SGPP2: variants seen among roughly 807,000 people sequenced by gnomAD.
The protein encoded by SGPP2 is sphingosine 1-phosphate phosphohydrolase 2.
SGPP2 carries 30 observed loss-of-function variants against 33.9 expected under a neutral mutation model. The observed-to-expected ratio is 0.89, with a 90% CI of 0.66 to 1.20. The LOEUF is 1.20. Among genes scored for constraint, SGPP2 ranks in the 50% most tolerant of loss-of-function variants. The probability of loss-of-function intolerance (pLI) is 0.00; values close to 1 mark genes in which losing one functional copy is unlikely to be tolerated. For synonymous variants in SGPP2, 233 were observed against 225.0 expected, an observed-to-expected ratio of 1.04 and a Z score of -0.32; for missense variants, 458 against 532.1, an observed-to-expected ratio of 0.86 and a Z score of 1.37.
intron 2 of SGPP2, among the ~76,000 whole-genome samples, chr2:222,501,993 A>G (rs557270087): frequency 2.0e-5 from 3 of 152,366 alleles, no homozygotes; most frequent in Non-Finnish European, 2.9e-5. Flanking sequence ...GGGTACCACT[A>G]GAATGACCAG....
At chr2:222,513,964 C>T (rs1698567151) in intron 2 of SGPP2, among the ~76,000 whole-genome samples, 1 of 152,148 alleles carries the variant, frequency 6.6e-6, no homozygotes, top group Non-Finnish European at 1.5e-5. Context: ...TGGAATCATA[C>T]AATGTGTGAT....
At chr2:222,441,827 G>T (rs1226270741) in intron 1 of SGPP2, among the ~76,000 whole-genome samples, 1 of 152,072 alleles carries the variant, frequency 6.6e-6, no homozygotes, top group Non-Finnish European at 1.5e-5. Context: ...AATTATCATT[G>T]ACATCTTTTT....
chr2:222,526,726 A>G (rs1698764037), intron 4 of SGPP2, among the ~76,000 whole-genome samples: 1 of 152,222 alleles, frequency 6.6e-6, no homozygotes, highest in Admixed American at 6.5e-5. Context: ...ACATGGATGA[A>G]GCTGGAAGCC....
chr2:222,453,013 T>G (rs1173258500), intron 1 of SGPP2: 2 of 1,580,536 alleles, frequency 1.3e-6, no homozygotes, highest in Non-Finnish European at 1.7e-6. Context: ...ACAGTTCTGG[T>G]CTTCTGTTTC....
intron 4 of SGPP2, among the ~76,000 whole-genome samples, chr2:222,554,950 C>T (rs1298093066): frequency 2.6e-5 from 4 of 152,152 alleles, no homozygotes; most frequent in East Asian, 1.9e-4. Flanking sequence ...ACCCCCGCCA[C>T]GATAAAGAAC....
chr2:222,557,542 A>C (rs1476710974), intron 4 of SGPP2, among the ~76,000 whole-genome samples: 1 of 152,248 alleles, frequency 6.6e-6, no homozygotes, highest in Admixed American at 6.5e-5. Context: ...GGAAACATGC[A>C]AACTTAGAGA....
chr2:222,534,968 G>A (rs1378559115), intron 4 of SGPP2, among the ~76,000 whole-genome samples: 1 of 152,090 alleles, frequency 6.6e-6, no homozygotes, highest in African/African-American at 2.4e-5. Flanking sequence ...TTGGGATTAG[G>A]CCTTAGCATA....
At chr2:222,441,068 T>C (rs969503142) in intron 1 of SGPP2, among the ~76,000 whole-genome samples, 1 of 152,266 alleles carries the variant, frequency 6.6e-6, no homozygotes, top group Non-Finnish European at 1.5e-5. Flanking sequence ...AGAGTAGCTG[T>C]CTAATTTTAA....
intron 1 of SGPP2, among the ~76,000 whole-genome samples, chr2:222,470,260 T>G (rs1394927284): frequency 6.6e-6 from 1 of 152,186 alleles, no homozygotes; most frequent in Non-Finnish European, 1.5e-5. Flanking sequence ...TCTGCACATG[T>G]ATCTCAGAAT....
intron 1 of SGPP2, among the ~76,000 whole-genome samples, chr2:222,440,141 C>A (rs540807823): frequency 2.0e-3 from 306 of 152,302 alleles, no homozygotes; most frequent in African/African-American, 6.5e-3. Context: ...TGTAGAATAG[C>A]ATTTGGGAGA....
intron 1 of SGPP2, among the ~76,000 whole-genome samples, chr2:222,428,170 A>G (rs1328708463): frequency 3.3e-5 from 5 of 152,046 alleles, no homozygotes; most frequent in Admixed American, 1.3e-4. Flanking sequence ...CAGGGTGGAG[A>G]TCGTGTGAAA....
intron 4 of SGPP2, among the ~76,000 whole-genome samples, chr2:222,548,803 A>G (rs1303765213): frequency 6.6e-6 from 1 of 152,240 alleles, no homozygotes; most frequent in Non-Finnish European, 1.5e-5. Context: ...CATATTCATG[A>G]ATAATGTTGC....
chr2:222,430,090 T>TAA (rs5838949), intron 1 of SGPP2, among the ~76,000 whole-genome samples: 52 of 151,860 alleles, frequency 3.4e-4, no homozygotes, highest in South Asian at 1.9e-3. Flanking sequence ...GTGCAAAAAA[T>TAA]AAAAAAAATA....
Position 222,521,883 on chromosome 2 carries a change from C to A in SGPP2, c.495C>A (p.Thr165=), listed in dbSNP as rs1169852263. ...TCGCTGAATATGGAATGCCATCCAC[C>A]CACGCCATGGCGGCCACTGCCATTG... The part of the protein sequence containing the change: ...RLIAEYGMPS[T]HAMAATAIAF... The change falls in exon 3 of 5, where the codon ACC becomes ACA. Residue 165 remains threonine, a synonymous_variant. Transcript: ENST00000321276. 2 of 1,608,970 alleles carry A rather than the reference C, an allele frequency of 1.2e-6. No homozygotes were observed. The highest frequency in any genetic ancestry group is 1.7e-6 in the Non-Finnish European group (2 of 1,178,088).
chr2:222,524,604 A>T (rs566471130), intron 3 of SGPP2, among the ~76,000 whole-genome samples: 1 of 152,192 alleles, frequency 6.6e-6, no homozygotes, highest in Admixed American at 6.5e-5. Flanking sequence ...TATCGTTCTA[A>T]TTTAAGAATA....
Position 222,435,028 on chromosome 2 carries a change from G to GTATATATATATGTGTATATATACACA in SGPP2, c.219+10216_219+10217insATGTGTATATATACACATATATATAT, listed in dbSNP as rs140612447. On this transcript the variant is annotated intron_variant, in intron 1 of 4. Coordinates refer to ENST00000321276, the MANE Select transcript of SGPP2 (RefSeq NM_152386.4). The stretch of plus-strand genomic sequence containing the variant: ...CACACACACATATGTGTATATGTGT[G>GTATATATATATGTGTATATATACACA]TATATATATGTGTATATATATACAC... Among the ~76,000 whole-genome samples, 6 of 140,544 alleles carry GTATATATATATGTGTATATATACACA rather than the reference G, an allele frequency of 4.3e-5. No individual in the cohort carries two copies. In the South Asian group the frequency reaches 7.0e-4, roughly 16 times the overall value. The allele number at this position is 140,544 out of a possible 152,430, so 92.2% of individuals were successfully genotyped here.
intron 4 of SGPP2, among the ~76,000 whole-genome samples, chr2:222,528,472 A>G (rs1044181635): frequency 2.6e-5 from 4 of 152,344 alleles, no homozygotes; most frequent in Admixed American, 2.6e-4. Context: ...TAATTTAGAA[A>G]TAATTTACTG....
At chr2:222,499,818 T>C (rs1378878302) in intron 2 of SGPP2, among the ~76,000 whole-genome samples, 1 of 152,140 alleles carries the variant, frequency 6.6e-6, no homozygotes, top group African/African-American at 2.4e-5. Context: ...GCTCTAAATG[T>C]AAATGTCTTC....
At chr2:222,447,710 A>T (rs1338640339) in intron 1 of SGPP2, among the ~76,000 whole-genome samples, 1 of 152,184 alleles carries the variant, frequency 6.6e-6, no homozygotes, top group Non-Finnish European at 1.5e-5. Context: ...TAATTCATGT[A>T]ATTTTCCTCC....
Sources: allele counts gnomAD v4.1 joint callset (sites outside exome capture counted in the v4.1 genomes callset), GRCh38; gene constraint gnomAD v4.1.1; transcripts MANE v1.5; gene names NCBI Gene and HGNC (gene_info 2026-07-23, HGNC 2026-07-21).